Variants in ARMH3 observed in about 807,000 individuals in gnomAD.
ARMH3 encodes armadillo-like helical domain-containing protein 3.
Under a neutral mutation model 99.1 loss-of-function variants are expected in ARMH3, and 60 were observed. The ratio of observed to expected loss-of-function variants is 0.61; its 90% CI spans 0.49 to 0.75. The LOEUF (loss-of-function observed/expected upper bound fraction) is 0.75. ARMH3 is among the 30% of genes least tolerant of loss of function. The pLI, the probability that ARMH3 is intolerant of heterozygous loss-of-function variation, is 0.00. For missense variants in ARMH3, 679 were observed against 843.1 expected, an observed-to-expected ratio of 0.81 and a Z score of 2.41; for synonymous variants, 285 against 292.8, an observed-to-expected ratio of 0.97 and a Z score of 0.27.
chr10:102,046,084 A>G (rs1433761185), intron 1 of ARMH3, among the ~76,000 whole-genome samples: 2 of 152,168 alleles, frequency 1.3e-5, no homozygotes, highest in East Asian at 3.9e-4. Context: ...AACAACAGTT[A>G]AACTCCATTT....
Position 101,853,766 on chromosome 10 carries a change from C to T in ARMH3, c.1861-3874G>A, listed in dbSNP as rs535818029. On this transcript the variant is annotated intron_variant, in intron 24 of 25. Coordinates refer to ENST00000370033, the MANE Select transcript of ARMH3 (RefSeq NM_024541.3). ...GCTCTCCAAGGAATCCTCACACCAC[C>T]ACCTATGACCCTTAGGAGACAGACA... Among the ~76,000 whole-genome samples, 184 of 152,302 alleles carry T rather than the reference C, an allele frequency of 1.2e-3. 3 individuals are homozygous for T. In the Middle Eastern group the frequency reaches 0.034, roughly 28 times the overall value.
At chr10:101,964,496 T>C (rs1451552086) in intron 20 of ARMH3, among the ~76,000 whole-genome samples, 1 of 152,126 alleles carries the variant, frequency 6.6e-6, no homozygotes, top group African/African-American at 2.4e-5. Flanking sequence ...CATCAAAAGA[T>C]GAACGAATAA....
intron 24 of ARMH3, among the ~76,000 whole-genome samples, chr10:101,851,580 G>A (rs1468867231): frequency 6.6e-6 from 1 of 152,280 alleles, no homozygotes; most frequent in African/African-American, 2.4e-5. Context: ...GCCCAAAGGT[G>A]CCTCTGCACT....
At chr10:101,928,653 A>G (rs938562171) in intron 23 of ARMH3, among the ~76,000 whole-genome samples, 1 of 152,236 alleles carries the variant, frequency 6.6e-6, no homozygotes, top group African/African-American at 2.4e-5. Flanking sequence ...TGGGCAAGAG[A>G]GAGAGGCCTT....
At chr10:101,965,563 G>A (rs1408040450) in intron 20 of ARMH3, among the ~76,000 whole-genome samples, 1 of 152,194 alleles carries the variant, frequency 6.6e-6, no homozygotes, top group Non-Finnish European at 1.5e-5. Context: ...GGGACTCTGG[G>A]TTTGATTCCT....
At chr10:101,986,405 G>A (rs1056669229) in intron 19 of ARMH3, among the ~76,000 whole-genome samples, 1 of 151,782 alleles carries the variant, frequency 6.6e-6, no homozygotes, top group African/African-American at 2.4e-5. Context: ...AAAGTAATTG[G>A]TTCGGTTTTG....
intron 24 of ARMH3, among the ~76,000 whole-genome samples, chr10:101,851,321 C>T (rs369290495): frequency 3.3e-5 from 5 of 152,228 alleles, no homozygotes; most frequent in African/African-American, 1.2e-4. Context: ...AGAGGCACTA[C>T]ACATCAAATC....
intron 14 of ARMH3, among the ~76,000 whole-genome samples, chr10:102,002,958 C>CATAA (rs1315589990): frequency 1.8e-5 from 2 of 110,154 alleles, no homozygotes; most frequent in East Asian, 2.4e-4. Flanking sequence ...GAGACTCTGT[C>CATAA]ACAAATAAAT....
At chr10:101,930,351 GC>G (rs1843671529) in intron 23 of ARMH3, among the ~76,000 whole-genome samples, 1 of 151,936 alleles carries the variant, frequency 6.6e-6, no homozygotes, top group African/African-American at 2.4e-5. Context: ...AAAGTTCACA[GC>G]TAAATGTTTT....
chr10:101,870,448 T>A (rs1368423732), intron 24 of ARMH3, among the ~76,000 whole-genome samples: 2 of 152,218 alleles, frequency 1.3e-5, no homozygotes, highest in African/African-American at 4.8e-5. Context: ...TGGATGGAGA[T>A]CTATCCTATG....
intron 24 of ARMH3, among the ~76,000 whole-genome samples, chr10:101,879,677 C>T (rs977487305): frequency 6.6e-5 from 10 of 152,056 alleles, no homozygotes; most frequent in Non-Finnish European, 1.0e-4. Flanking sequence ...AAGTAAATAA[C>T]CCATATAAAA....
chr10:102,013,195 T>G (rs953629784), intron 9 of ARMH3, among the ~76,000 whole-genome samples: 8 of 152,172 alleles, frequency 5.3e-5, no homozygotes, highest in African/African-American at 1.9e-4. Context: ...GTTAGAATCT[T>G]CAAACAAAAA....
rs530589110 is a variant in ARMH3 at position 101,978,947 on chromosome 10, A to T, written c.1407-3647T>A. Among the ~76,000 whole-genome samples the T allele has an allele frequency of 4.9e-4, 74 of 152,016 alleles. 2 individuals are homozygous for T. In the South Asian group the frequency reaches 9.7e-3, roughly 20 times the overall value. ...AAAGCGAGACACCATCTCAAAAAAT[A>T]AAATTAAATTAAATTAATATAAAAT... On this transcript the variant is annotated intron_variant, in intron 19 of 25. Transcript: ENST00000370033.
intron 15 of ARMH3, 48 bp downstream of exon 15, chr10:102,001,923 C>T: frequency 3.3e-6 from 5 of 1,518,232 alleles, no homozygotes; most frequent in East Asian, 2.3e-5. Flanking sequence ...ATGCTAGCTG[C>T]CTGCCACACC....
At position 102,023,718 on chromosome 10, in the gene ARMH3, AG is replaced by A; in HGVS notation, c.538del (p.Leu180SerfsTer4). ...TATGCTGTTGATCATTACATACTCGAGAATAGTGTTCTGGCTGATGTTATCT... is the reference window on the plus strand; with the variant it reads ...TATGCTGTTGATCATTACATACTCGAAATAGTGTTCTGGCTGATGTTATCT... ...VTDNISQNTILEYVMINSIFE... is the reference protein window; with the variant it reads ...VTDNISQNTIXEYVMINSIFE... On this transcript the variant is annotated frameshift_variant, in exon 7 of 26. Transcript: ENST00000370033. LOFTEE classifies it high-confidence loss of function. The A allele has an allele frequency of 6.2e-7, 1 of 1,614,180 alleles. No individual in the cohort carries two copies. Among genetic ancestry groups the A allele is most frequent in the Non-Finnish European group, 8.5e-7 (1 of 1,180,018 alleles).
At chr10:101,967,994 A>G (rs1431442377) in intron 20 of ARMH3, among the ~76,000 whole-genome samples, 1 of 152,112 alleles carries the variant, frequency 6.6e-6, no homozygotes, top group African/African-American at 2.4e-5. Flanking sequence ...TTAAACGGAA[A>G]TCTGCTTCCA....
At chr10:101,970,901 GA>G (rs1009269995) in intron 20 of ARMH3, among the ~76,000 whole-genome samples, 54 of 151,962 alleles carry the variant, frequency 3.6e-4, no homozygotes, top group African/African-American at 1.3e-3. Context: ...ACTTTTTTGA[GA>G]GGAAATATAG....
At chr10:101,984,102 C>T (rs1436900838) in intron 19 of ARMH3, among the ~76,000 whole-genome samples, 1 of 152,112 alleles carries the variant, frequency 6.6e-6, no homozygotes, top group African/African-American at 2.4e-5. Context: ...GGACTAAACC[C>T]TCCCCACATT....
chr10:101,870,385 G>T (rs906281620), intron 24 of ARMH3, among the ~76,000 whole-genome samples: 2 of 152,098 alleles, frequency 1.3e-5, no homozygotes, highest in Non-Finnish European at 2.9e-5. Context: ...TTCCACAGAA[G>T]TATACTGATA....
Sources: gnomAD v4.1 joint callset for allele counts (sites outside exome capture counted in the v4.1 genomes callset) on GRCh38, gnomAD v4.1.1 for gene constraint, MANE v1.5 for transcripts, NCBI Gene and HGNC (gene_info 2026-07-23, HGNC 2026-07-21) for gene names.